CLCA2: variants seen among roughly 807,000 people sequenced by gnomAD.
The protein encoded by CLCA2 is calcium-activated chloride channel regulator 2.
Under a neutral mutation model 82.9 loss-of-function variants are expected in CLCA2, and 85 were observed. That is an observed-to-expected ratio of 1.03 (90% CI 0.86 to 1.23). The LOEUF is 1.23. Among genes scored for constraint, CLCA2 ranks in the 50% most tolerant of loss-of-function variants. The probability of loss-of-function intolerance (pLI) is 0.00; values close to 1 mark genes in which losing one functional copy is unlikely to be tolerated. For missense variants in CLCA2, 1,089 were observed against 1,124.8 expected, an observed-to-expected ratio of 0.97 and a Z score of 0.45; for synonymous variants, 421 against 391.7, an observed-to-expected ratio of 1.07 and a Z score of -0.88.
chr1:86,433,864 C>T (rs562370383), intron 5 of CLCA2, among the ~76,000 whole-genome samples: 1 of 152,244 alleles, frequency 6.6e-6, no homozygotes, highest in East Asian at 1.9e-4. Flanking sequence ...AGGAATAGAG[C>T]CACTGGGAAT....
At position 86,439,209 on chromosome 1, in the gene CLCA2, A is replaced by G. The variant is rs1558110029; in HGVS notation, c.1203+103A>G. The G allele has an allele frequency of 1.7e-5, 17 of 976,902 alleles. No homozygotes were observed. The East Asian group carries it at 3.1e-4, about 18-fold the overall frequency. The allele number at this position is 976,902 out of a possible 1,614,324, so 60.5% of individuals were successfully genotyped here. ...ATGGGCAGTTTGTTACAGGGTGGTC[A>G]TAACAGCCTCAACTATGAAAGTAAT... On this transcript the variant is annotated intron_variant, in intron 7 of 13. Coordinates refer to ENST00000370565, the MANE Select transcript of CLCA2 (RefSeq NM_006536.7).
Position 86,439,117 on chromosome 1 carries a change from G to A in CLCA2, c.1203+11G>A. The A allele has an allele frequency of 6.2e-7, 1 of 1,609,282 alleles. No homozygotes were observed. Among genetic ancestry groups the A allele is most frequent in the Non-Finnish European group, 8.5e-7 (1 of 1,175,720 alleles). On this transcript the variant is annotated intron_variant, in intron 7 of 13. Transcript: ENST00000370565. ...AAGAAAGGATTTGAGGTACAGTAGAGCATCCTAAGCCTTGGATCACCATCA... is the reference window on the plus strand; with the variant it reads ...AAGAAAGGATTTGAGGTACAGTAGAACATCCTAAGCCTTGGATCACCATCA...
At position 86,430,940 on chromosome 1, in the gene CLCA2, T is replaced by A. The variant is rs1479448632; in HGVS notation, c.554T>A (p.Ile185Lys). 1.2e-6 allele frequency: 2 copies of A among 1,612,944 alleles called. No homozygotes were observed. Among genetic ancestry groups the A allele is most frequent in the Non-Finnish European group, 1.7e-6 (2 of 1,179,452 alleles). ...TATAACAATGACAAACCTTTCTACA[T>A]AAATGGGCAAAATCAAATTAAAGTG... ...DEYNNDKPFY[I>K]NGQNQIKVTR... The change falls in exon 4 of 14, where the codon ATA becomes AAA. Residue 185 changes from isoleucine to lysine, a missense_variant. Coordinates refer to ENST00000370565, the MANE Select transcript of CLCA2 (RefSeq NM_006536.7).
At position 86,455,411 on chromosome 1, in the gene CLCA2, GT is replaced by G; in HGVS notation, c.2720del (p.Leu907Ter). The G allele has an allele frequency of 6.2e-7, 1 of 1,606,926 alleles. No individual in the cohort carries two copies. Among genetic ancestry groups the G allele is most frequent in the Non-Finnish European group, 8.5e-7 (1 of 1,177,576 alleles). On this transcript the variant is annotated frameshift_variant, in exon 14 of 14. Transcript: ENST00000370565. LOFTEE classifies it low-confidence loss of function (END_TRUNC). ...PARDYLILKGVLTAMGLIGII... is the reference protein window; with the variant it reads ...PARDYLILKGXLTAMGLIGII... ...CAGAGATTATCTTATATTGAAAGGA[GT>G]TTTAACAGCAATGGGTTTGATAGGA...
At position 86,455,101 on chromosome 1, in the gene CLCA2, A is replaced by C. The variant is rs1663048291; in HGVS notation, c.2406A>C (p.Ile802=). Residue 802 remains isoleucine (I), a synonymous_variant, in exon 14 of 14, where the codon ATA becomes ATC. Transcript: ENST00000370565. The stretch of plus-strand genomic sequence containing the variant: ...TAATTTCAGCTACAAGCTATGAAAT[A>C]AGAATGAGTAAAAGTCTACAGAATA... ...FDQGQATSYE[I]RMSKSLQNIQ... is the part of the protein sequence containing the mutation. The C allele has an allele frequency of 1.3e-6, 2 of 1,543,324 alleles. No homozygotes were observed. The highest frequency in any genetic ancestry group is 1.4e-5 in the African/African-American group (1 of 72,584).
chr1:86,453,620 A>G lies in CLCA2; in HGVS notation c.2389+18A>G, dbSNP rs765329042. Reference sequence around the variant, plus strand: ...GGGCCAGGGTAGGTTTGCTCATTTCATTACCTATTTTTCCATAAGACAGCA... The same window carrying G: ...GGGCCAGGGTAGGTTTGCTCATTTCGTTACCTATTTTTCCATAAGACAGCA... On this transcript the variant is annotated intron_variant, in intron 13 of 13. Transcript: ENST00000370565. 2.5e-6 allele frequency: 4 copies of G among 1,598,702 alleles called. No individual in the cohort carries two copies. Among genetic ancestry groups the G allele is most frequent in the Non-Finnish European group, 3.4e-6 (4 of 1,168,264 alleles).
At position 86,447,570 on chromosome 1, in the gene CLCA2, A is replaced by G. The variant is rs1662877837; in HGVS notation, c.1776A>G (p.Thr592=). ...THHSLQALKV[T]VTSRASNSAV... ...ATTCTCTGCAAGCCCTGAAAGTGACAGTGACCTCTCGCGCCTCCAACTCAG... is the reference window on the plus strand; with the variant it reads ...ATTCTCTGCAAGCCCTGAAAGTGACGGTGACCTCTCGCGCCTCCAACTCAG... Residue 592 remains threonine (T), a synonymous_variant, in exon 11 of 14, where the codon ACA becomes ACG. Coordinates refer to ENST00000370565, the MANE Select transcript of CLCA2 (RefSeq NM_006536.7). 3 of 1,614,020 alleles carry G rather than the reference A, an allele frequency of 1.9e-6. No homozygotes were observed. Among genetic ancestry groups the G allele is most frequent in the Non-Finnish European group, 2.5e-6 (3 of 1,180,008 alleles).
chr1:86,452,842 T>C (rs1662999823), intron 12 of CLCA2, among the ~76,000 whole-genome samples: 1 of 152,186 alleles, frequency 6.6e-6, no homozygotes, highest in African/African-American at 2.4e-5. Context: ...AGGGATACTG[T>C]TTTGTCTGTA....
At chr1:86,452,693 G>A (rs1662997531) in intron 12 of CLCA2, among the ~76,000 whole-genome samples, 1 of 152,014 alleles carries the variant, frequency 6.6e-6, no homozygotes, top group African/African-American at 2.4e-5. Flanking sequence ...GCCTTTCAAT[G>A]TTACCTCTTT....
intron 5 of CLCA2, 137 bp downstream of exon 5, chr1:86,432,665 T>A: frequency 9.8e-7 from 1 of 1,017,868 alleles, no homozygotes; most frequent in Non-Finnish European, 1.4e-6. Context: ...AGTTTTTATC[T>A]ACAGATTTAA....
At position 86,450,574 on chromosome 1, in the gene CLCA2, A is replaced by G; in HGVS notation, c.1996A>G (p.Ile666Val). 6.2e-7 allele frequency: 1 copy of G among 1,612,484 alleles called. No individual in the cohort carries two copies. The highest frequency in any genetic ancestry group is 1.1e-5 in the South Asian group (1 of 90,774). The change falls in exon 12 of 14, where the codon ATA becomes GTA. Residue 666 changes from isoleucine (I) to valine (V), a missense_variant. By Grantham distance (29) the Ile-to-Val change is conservative. Transcript: ENST00000370565. ...LLDDGAGADV[I>V]KNDGIYSRYF... is the part of the protein sequence containing the mutation. Reference sequence around the variant, plus strand: ...TTTTATATATACAGGTGCTGATGTTATAAAAAATGATGGAATTTACTCGAG... The same window carrying G: ...TTTTATATATACAGGTGCTGATGTTGTAAAAAATGATGGAATTTACTCGAG...
At chr1:86,452,447 A>G (rs1256397182) in intron 12 of CLCA2, among the ~76,000 whole-genome samples, 1 of 152,130 alleles carries the variant, frequency 6.6e-6, no homozygotes, top group Non-Finnish European at 1.5e-5. Context: ...AAGCAAATAT[A>G]ATTTTGTCAC....
chr1:86,435,788 A>C (rs1662594976), intron 6 of CLCA2, among the ~76,000 whole-genome samples: 1 of 152,314 alleles, frequency 6.6e-6, no homozygotes, highest in South Asian at 2.1e-4. Flanking sequence ...TATGTAAACG[A>C]ATATATGAAA....
intron 12 of CLCA2, among the ~76,000 whole-genome samples, chr1:86,451,610 C>T (rs1173480981): frequency 4.6e-5 from 7 of 152,106 alleles, no homozygotes; most frequent in Non-Finnish European, 7.4e-5. Context: ...TTTTATCAGG[C>T]TCTTTTTCCA....
At chr1:86,442,799 T>C (rs925848260) in intron 9 of CLCA2, among the ~76,000 whole-genome samples, 3 of 152,240 alleles carry the variant, frequency 2.0e-5, no homozygotes, top group African/African-American at 7.2e-5. Flanking sequence ...TCAGGCCCAC[T>C]GGGTTTTATC....
intron 10 of CLCA2, 115 bp downstream of exon 10, chr1:86,444,126 GT>G: frequency 1.4e-6 from 1 of 694,136 alleles, no homozygotes; most frequent in Non-Finnish European, 2.4e-6. Context: ...TATATCAAAA[GT>G]TTACTTTAAA....
At chr1:86,454,186 T>G (rs1663027654) in intron 13 of CLCA2, among the ~76,000 whole-genome samples, 1 of 152,140 alleles carries the variant, frequency 6.6e-6, no homozygotes, top group South Asian at 2.1e-4. Flanking sequence ...TTTTTCCAAA[T>G]TTTTTACCCA....
intron 6 of CLCA2, 84 bp downstream of exon 6, chr1:86,434,829 G>A (rs1662571955): frequency 5.3e-6 from 6 of 1,133,894 alleles, no homozygotes; most frequent in Non-Finnish European, 7.7e-6. Context: ...TTAAGTTCTG[G>A]GGTACATGTG....
At chr1:86,432,304 A>G in intron 4 of CLCA2, 65 bp from the exon 5 acceptor site, 1 of 1,547,244 alleles carries the variant, frequency 6.5e-7, no homozygotes, top group Non-Finnish European at 8.8e-7. Flanking sequence ...TATATAAGCT[A>G]GTCAACAAGA....
Sources: gnomAD v4.1 joint callset for allele counts (sites outside exome capture counted in the v4.1 genomes callset) on GRCh38, gnomAD v4.1.1 for gene constraint, MANE v1.5 for transcripts, NCBI Gene and HGNC (gene_info 2026-07-23, HGNC 2026-07-21) for gene names.